PARD3B: variants seen among roughly 807,000 people sequenced by gnomAD.
The protein encoded by PARD3B is partitioning defective 3 homolog B.
In PARD3B, 103 loss-of-function variants were observed where a neutral mutation model predicts 130.2. That is an observed-to-expected ratio of 0.79 (90% CI 0.67 to 0.93). The LOEUF (loss-of-function observed/expected upper bound fraction) is 0.93, where lower values mean the gene tolerates loss of function less well. Ranked by LOEUF, PARD3B falls within the 40% of genes least tolerant of loss-of-function variation. The pLI is 0.00. For synonymous variants in PARD3B, 583 were observed against 553.2 expected (o/e 1.05, Z -0.76); for missense variants, 1,609 against 1,499.2 (o/e 1.07, Z -1.21).
intron 1 of PARD3B, among the ~76,000 whole-genome samples, chr2:204,576,620 C>T (rs1275788762): frequency 2.6e-5 from 4 of 151,908 alleles, no homozygotes; most frequent in East Asian, 3.9e-4. Context: ...TGTGTGTGCA[C>T]GCATGTAAAT....
intron 2 of PARD3B, among the ~76,000 whole-genome samples, chr2:204,888,755 T>C (rs935485028): frequency 6.8e-6 from 1 of 146,232 alleles, no homozygotes; most frequent in South Asian, 2.1e-4. Flanking sequence ...AAAAAATGTA[T>C]GGAGGGACCA....
chr2:204,939,534 T>C (rs1688737091), intron 2 of PARD3B, among the ~76,000 whole-genome samples: 1 of 152,212 alleles, frequency 6.6e-6, no homozygotes, highest in Non-Finnish European at 1.5e-5. Flanking sequence ...GACATTATGC[T>C]GTAAAAACAA....
At chr2:205,363,916 C>T (rs1021200495) in intron 18 of PARD3B, among the ~76,000 whole-genome samples, 1 of 146,494 alleles carries the variant, frequency 6.8e-6, no homozygotes, top group Non-Finnish European at 1.5e-5. Flanking sequence ...ATCCACCCGC[C>T]TCGGCCTCCC....
chr2:205,089,785 ACTT>A (rs1701987123), intron 4 of PARD3B, among the ~76,000 whole-genome samples: 1 of 152,224 alleles, frequency 6.6e-6, no homozygotes, highest in South Asian at 2.1e-4. Flanking sequence ...GTATGCATGT[ACTT>A]CAGTCTTTAA....
At chr2:205,182,217 G>A (rs879507326) in intron 13 of PARD3B, among the ~76,000 whole-genome samples, 15 of 151,916 alleles carry the variant, frequency 9.9e-5, no homozygotes, top group Admixed American at 1.3e-4. Flanking sequence ...GCTTGAACCC[G>A]GGAGGCGGAG....
At chr2:205,418,631 C>A (rs1007258868) in intron 19 of PARD3B, among the ~76,000 whole-genome samples, 12 of 152,104 alleles carry the variant, frequency 7.9e-5, no homozygotes, top group Non-Finnish European at 1.6e-4. Context: ...TTATAAAGTA[C>A]AACTTAACTG....
chr2:204,958,907 A>G (rs1174242906), intron 2 of PARD3B, among the ~76,000 whole-genome samples: 2 of 152,160 alleles, frequency 1.3e-5, no homozygotes, highest in Non-Finnish European at 2.9e-5. Flanking sequence ...GGCTCTTTTT[A>G]TCAGATCTGT....
At position 205,357,464 on chromosome 2, in the gene PARD3B, G is replaced by A. The variant is rs1310353617; in HGVS notation, c.2631-43549G>A. ...TAGGGAAGAGAAACAGTCGACATGGGTGCAGAAGTGTTTGTAATTAAGTGG... is the reference window on the plus strand; with the variant it reads ...TAGGGAAGAGAAACAGTCGACATGGATGCAGAAGTGTTTGTAATTAAGTGG... On this transcript the variant is annotated intron_variant, in intron 18 of 22. Coordinates refer to ENST00000406610, the MANE Select transcript of PARD3B (RefSeq NM_001302769.2). Among the ~76,000 whole-genome samples, 4 of 152,194 alleles carry A rather than the reference G, an allele frequency of 2.6e-5. No homozygotes were observed. In the East Asian group the frequency reaches 7.7e-4, roughly 29 times the overall value.
At chr2:205,220,427 A>G (rs775894487) in intron 15 of PARD3B, among the ~76,000 whole-genome samples, 3 of 152,048 alleles carry the variant, frequency 2.0e-5, no homozygotes, top group Non-Finnish European at 4.4e-5. Flanking sequence ...TTTCCTATAC[A>G]TTTCCAGAAA....
intron 14 of PARD3B, among the ~76,000 whole-genome samples, chr2:205,186,528 T>C (rs2036109467): frequency 6.6e-6 from 1 of 152,202 alleles, no homozygotes; most frequent in African/African-American, 2.4e-5. Flanking sequence ...TGTTAGAAAC[T>C]GTGTATTTTA....
chr2:204,820,081 T>TTTTTTTC lies in PARD3B; in HGVS notation c.222+133805_222+133806insCTTTTTT, dbSNP rs1553534452. Among the ~76,000 whole-genome samples the TTTTTTTC allele has an allele frequency of 2.9e-3, 418 of 144,760 alleles. 13 individuals carry two copies. Among genetic ancestry groups the TTTTTTTC allele is most frequent in the African/African-American group, 0.011 (406 of 37,410 alleles). 95.0% of individuals were successfully genotyped at this position (144,760 alleles called of 152,430 possible). A position where few individuals can be genotyped will look rare whatever the true frequency, so the allele number is the denominator to read the frequency against. ...ACATTAAACAATAGACTTTTTTTTT[T>TTTTTTTC]TTTTTTTTTTTGAGACGGAGTGTCA... On this transcript the variant is annotated intron_variant, in intron 2 of 22. Coordinates refer to ENST00000406610, the MANE Select transcript of PARD3B (RefSeq NM_001302769.2).
chr2:204,804,105 G>A (rs2042678372), intron 2 of PARD3B, among the ~76,000 whole-genome samples: 1 of 152,164 alleles, frequency 6.6e-6, no homozygotes, highest in Non-Finnish European at 1.5e-5. Flanking sequence ...GCATGTGCCT[G>A]TAGTACCAGC....
At chr2:205,596,479 C>G (rs1404939930) in intron 22 of PARD3B, among the ~76,000 whole-genome samples, 1 of 152,128 alleles carries the variant, frequency 6.6e-6, no homozygotes, top group Non-Finnish European at 1.5e-5. Context: ...TTGTGTATGC[C>G]TACCAGGCCC....
At chr2:205,290,828 G>A (rs1574610980) in intron 16 of PARD3B, among the ~76,000 whole-genome samples, 1 of 152,088 alleles carries the variant, frequency 6.6e-6, no homozygotes, top group East Asian at 1.9e-4. Flanking sequence ...TCTTGAATAG[G>A]TTTAGTGCTC....
intron 18 of PARD3B, among the ~76,000 whole-genome samples, chr2:205,346,677 C>T (rs570927706): frequency 1.6e-4 from 25 of 152,268 alleles, no homozygotes; most frequent in Middle Eastern, 6.8e-3. Flanking sequence ...TAAACTTTGT[C>T]ACCCTGCAGC....
chr2:205,443,441 G>C (rs2047796532), intron 20 of PARD3B, among the ~76,000 whole-genome samples: 1 of 152,162 alleles, frequency 6.6e-6, no homozygotes, highest in Non-Finnish European at 1.5e-5. Context: ...GGCCAGAAGA[G>C]GTCATAATCT....
chr2:205,441,169 T>TATAG, intron 20 of PARD3B, among the ~76,000 whole-genome samples: 1 of 152,278 alleles, frequency 6.6e-6, no homozygotes, highest in Non-Finnish European at 1.5e-5. Context: ...GGTGACCCTG[T>TATAG]ATAGATATTC....
intron 2 of PARD3B, among the ~76,000 whole-genome samples, chr2:204,784,340 A>G (rs79470036): frequency 0.013 from 2,007 of 152,144 alleles, 56 homozygotes; most frequent in African/African-American, 0.046. Context: ...TTTGTCCTTA[A>G]ATGACTTTGA....
chr2:204,865,037 C>G (rs1310222743), intron 2 of PARD3B, among the ~76,000 whole-genome samples: 1 of 152,076 alleles, frequency 6.6e-6, no homozygotes, highest in Non-Finnish European at 1.5e-5. Flanking sequence ...CTCAACATCA[C>G]TAATTATCAG....
Sources: allele counts gnomAD v4.1 joint callset (sites outside exome capture counted in the v4.1 genomes callset), GRCh38; gene constraint gnomAD v4.1.1; transcripts MANE v1.5; gene names NCBI Gene and HGNC (gene_info 2026-07-23, HGNC 2026-07-21).